Variants in APBB2 observed in about 807,000 individuals in gnomAD.
The protein encoded by APBB2 is Fe65-like 1.
A neutral mutation model predicts 82.5 loss-of-function variants in APBB2; 38 were observed. The observed-to-expected ratio is 0.46, with a 90% CI of 0.36 to 0.60. APBB2 has a LOEUF of 0.60. APBB2 is among the 20% of genes least tolerant of loss of function. The pLI is 0.00. For synonymous variants in APBB2, 341 were observed against 368.2 expected (o/e 0.93, Z 0.85); for missense variants, 772 against 972.3 (o/e 0.79, Z 2.74).
At chr4:40,847,346 C>G (rs1258207475) in intron 12 of APBB2, among the ~76,000 whole-genome samples, 1 of 152,138 alleles carries the variant, frequency 6.6e-6, no homozygotes, top group Non-Finnish European at 1.5e-5. Context: ...CCTGTAGTCC[C>G]AGCTACTCAG....
chr4:40,880,490 T>A, intron 12 of APBB2: 1 of 985,440 alleles, frequency 1.0e-6, no homozygotes, highest in Non-Finnish European at 1.2e-6. Flanking sequence ...GCACTGAACA[T>A]CTGCATAAGT....
intron 1 of APBB2, among the ~76,000 whole-genome samples, chr4:41,148,826 A>AG (rs1761477237): frequency 6.6e-6 from 1 of 152,200 alleles, no homozygotes; most frequent in African/African-American, 2.4e-5. Context: ...TAGGTGATGG[A>AG]GACTGGCACT....
intron 2 of APBB2, among the ~76,000 whole-genome samples, chr4:41,111,558 G>A (rs551594247): frequency 6.6e-6 from 1 of 152,276 alleles, no homozygotes; most frequent in East Asian, 1.9e-4. Flanking sequence ...GTTAATGCTA[G>A]TTGTCTCTGG....
intron 1 of APBB2, among the ~76,000 whole-genome samples, chr4:41,210,747 T>C (rs148574425): frequency 6.6e-6 from 1 of 152,136 alleles, no homozygotes; most frequent in East Asian, 1.9e-4. Context: ...AAATAACAAA[T>C]CAAAGATGCT....
chr4:41,087,253 A>C (rs1158273553), intron 3 of APBB2, among the ~76,000 whole-genome samples: 1 of 152,234 alleles, frequency 6.6e-6, no homozygotes, highest in East Asian at 1.9e-4. Flanking sequence ...AAAGCAATGC[A>C]ATTCCTATTA....
chr4:41,007,782 C>G (rs1807180024), intron 6 of APBB2, among the ~76,000 whole-genome samples: 1 of 152,152 alleles, frequency 6.6e-6, no homozygotes, highest in Non-Finnish European at 1.5e-5. Context: ...CTTTATGGAG[C>G]CTTTTACTAT....
At chr4:41,189,585 A>G (rs1254469637) in intron 1 of APBB2, among the ~76,000 whole-genome samples, 1 of 152,174 alleles carries the variant, frequency 6.6e-6, no homozygotes, top group East Asian at 1.9e-4. Flanking sequence ...GCTACCTAAC[A>G]ATAAAACAGC....
intron 12 of APBB2, among the ~76,000 whole-genome samples, chr4:40,860,788 C>T (rs887479419): frequency 1.3e-5 from 2 of 152,000 alleles, no homozygotes; most frequent in African/African-American, 2.4e-5. Flanking sequence ...ATTTTTTAAC[C>T]GATTTTTTTA....
intron 6 of APBB2, among the ~76,000 whole-genome samples, chr4:40,978,942 A>G (rs1387309920): frequency 6.6e-6 from 1 of 152,068 alleles, no homozygotes; most frequent in African/African-American, 2.4e-5. Flanking sequence ...TTTTTAAAAG[A>G]AAACTATGAG....
At chr4:41,047,020 G>C (rs925646173) in intron 4 of APBB2, among the ~76,000 whole-genome samples, 1 of 152,198 alleles carries the variant, frequency 6.6e-6, no homozygotes, top group African/African-American at 2.4e-5. Flanking sequence ...GAACAGTTGA[G>C]ATAAAGAGGA....
chr4:40,966,529 C>T (rs1032795721), intron 6 of APBB2, among the ~76,000 whole-genome samples: 1 of 152,224 alleles, frequency 6.6e-6, no homozygotes, highest in African/African-American at 2.4e-5. Context: ...CATCTCTGTA[C>T]TCTTGGGGGC....
chr4:40,944,262 A>G (rs1787776295), intron 7 of APBB2, among the ~76,000 whole-genome samples: 1 of 152,202 alleles, frequency 6.6e-6, no homozygotes, highest in Non-Finnish European at 1.5e-5. Flanking sequence ...CCACAATGAC[A>G]TTTTTTTAAT....
At chr4:41,073,543 T>C (rs906868146) in intron 3 of APBB2, among the ~76,000 whole-genome samples, 4 of 152,204 alleles carry the variant, frequency 2.6e-5, no homozygotes, top group Non-Finnish European at 4.4e-5. Context: ...AAGCAATTTT[T>C]CACCTTCCAA....
At chr4:41,180,717 C>G (rs1235270675) in intron 1 of APBB2, among the ~76,000 whole-genome samples, 3 of 152,102 alleles carry the variant, frequency 2.0e-5, no homozygotes, top group Admixed American at 6.6e-5. Flanking sequence ...TCCAGTGGAC[C>G]AGAATGACCT....
At chr4:40,882,680 C>T (rs1347078071) in intron 12 of APBB2, among the ~76,000 whole-genome samples, 1 of 152,072 alleles carries the variant, frequency 6.6e-6, no homozygotes, top group African/African-American at 2.4e-5. Context: ...GAAGCAGGAG[C>T]GTAGTCTGCG....
At chr4:40,900,800 T>G (rs970220346) in intron 10 of APBB2, among the ~76,000 whole-genome samples, 1 of 151,490 alleles carries the variant, frequency 6.6e-6, no homozygotes, top group Non-Finnish European at 1.5e-5. Flanking sequence ...ATGGACAGTT[T>G]CTTAAAAACA....
At chr4:41,005,622 G>A (rs1419797275) in intron 6 of APBB2, among the ~76,000 whole-genome samples, 2 of 152,042 alleles carry the variant, frequency 1.3e-5, no homozygotes, top group Non-Finnish European at 2.9e-5. Flanking sequence ...GACTCCTAGA[G>A]GCCTACCTCC....
intron 10 of APBB2, among the ~76,000 whole-genome samples, chr4:40,926,258 T>C (rs574319325): frequency 3.3e-5 from 5 of 152,326 alleles, no homozygotes; most frequent in Admixed American, 1.3e-4. Flanking sequence ...TGCAATTTCA[T>C]GTCCCACCCC....
chr4:40,997,691 C>T (rs1319495372), intron 6 of APBB2, among the ~76,000 whole-genome samples: 1 of 152,146 alleles, frequency 6.6e-6, no homozygotes, highest in Non-Finnish European at 1.5e-5. Context: ...ACTGTGTTGA[C>T]ATTTAAGTGA....
Sources: allele counts gnomAD v4.1 joint callset (sites outside exome capture counted in the v4.1 genomes callset), GRCh38; gene constraint gnomAD v4.1.1; transcripts MANE v1.5; gene names NCBI Gene and HGNC (gene_info 2026-07-23, HGNC 2026-07-21).